MYT1L: variants seen among roughly 807,000 people sequenced by gnomAD.
MYT1L encodes myelin transcription factor 1-like protein.
Under a neutral mutation model 126.7 loss-of-function variants are expected in MYT1L, and 12 were observed. That is an observed-to-expected ratio of 0.09 (90% CI 0.06 to 0.15). MYT1L has a LOEUF of 0.15. Among genes scored for constraint, MYT1L ranks in the 10% least tolerant of loss-of-function variants. The pLI is 1.00. For missense variants in MYT1L, 979 were observed against 1,585.2 expected (o/e 0.62, Z 6.49); for synonymous variants, 541 against 604.2 (o/e 0.90, Z 1.53).
chr2:2,088,295 C>T (rs2076558264), intron 3 of MYT1L, among the ~76,000 whole-genome samples: 2 of 152,186 alleles, frequency 1.3e-5, no homozygotes, highest in South Asian at 4.1e-4. Flanking sequence ...GCACTGGCAC[C>T]AGTGGGAAAC....
At chr2:1,986,417 A>G (rs1006894351) in intron 5 of MYT1L, among the ~76,000 whole-genome samples, 24 of 152,142 alleles carry the variant, frequency 1.6e-4, no homozygotes, top group Non-Finnish European at 1.5e-4. Flanking sequence ...TTGCTCTGGG[A>G]AAATCCTGGG....
At chr2:2,123,525 G>C (rs564161745) in intron 3 of MYT1L, among the ~76,000 whole-genome samples, 1 of 152,064 alleles carries the variant, frequency 6.6e-6, no homozygotes, top group Non-Finnish European at 1.5e-5. Context: ...CTGAGTTCTC[G>C]CAAGACCTGG....
Position 1,963,279 on chromosome 2 carries a change from A to C in MYT1L, c.152+15886T>G, listed in dbSNP as rs1218523621. On this transcript the variant is annotated intron_variant, in intron 8 of 24. Transcript: ENST00000647738. ...GAAGTAGGTCTCAACAGTGGACTTA[A>C]CATATTTACTAAACCATGCTGTAAA... Among the ~76,000 whole-genome samples, 6 of 152,358 alleles carry C rather than the reference A, an allele frequency of 3.9e-5. No homozygotes were observed. The East Asian group carries it at 1.2e-3, about 29-fold the overall frequency.
chr2:1,878,989 T>A (rs770314906), intron 18 of MYT1L, among the ~76,000 whole-genome samples: 5 of 151,190 alleles, frequency 3.3e-5, no homozygotes, highest in African/African-American at 1.2e-4. Flanking sequence ...AAAAAAACAA[T>A]ACAAGAGAAG....
At chr2:2,186,740 CAG>C (rs1322196587) in intron 2 of MYT1L, among the ~76,000 whole-genome samples, 1 of 152,202 alleles carries the variant, frequency 6.6e-6, no homozygotes, top group Non-Finnish European at 1.5e-5. Flanking sequence ...CTATAATTAA[CAG>C]ATTGTTATAA....
chr2:1,897,786 T>C (rs2049803465), intron 14 of MYT1L, among the ~76,000 whole-genome samples: 1 of 152,148 alleles, frequency 6.6e-6, no homozygotes, highest in African/African-American at 2.4e-5. Context: ...GATCAAATTT[T>C]TTTTCAGTCC....
intron 13 of MYT1L, among the ~76,000 whole-genome samples, chr2:1,907,117 A>AT (rs200036420): frequency 2.7e-5 from 4 of 146,590 alleles, no homozygotes; most frequent in Non-Finnish European, 6.0e-5. Context: ...GTCTCTAAAA[A>AT]TTTTTTTTTT....
At chr2:2,177,676 T>C (rs2090969383) in intron 2 of MYT1L, among the ~76,000 whole-genome samples, 1 of 152,102 alleles carries the variant, frequency 6.6e-6, no homozygotes, top group Admixed American at 6.5e-5. Flanking sequence ...AAAGAGAGAA[T>C]TTGAGAGAAT....
At chr2:1,816,174 C>T (rs541797581) in intron 21 of MYT1L, 1 of 152,602 alleles carries the variant, frequency 6.6e-6, no homozygotes, top group African/African-American at 2.4e-5. Context: ...ATTTTGATGG[C>T]TTAAAGTCCC....
intron 21 of MYT1L, among the ~76,000 whole-genome samples, chr2:1,835,688 G>A (rs536714093): frequency 2.1e-4 from 32 of 152,270 alleles, no homozygotes; most frequent in Non-Finnish European, 1.8e-4. Context: ...CAGGGCTGCT[G>A]GTCACCGGGC....
intron 2 of MYT1L, among the ~76,000 whole-genome samples, chr2:2,277,731 G>T (rs1032934383): frequency 3.9e-5 from 6 of 152,002 alleles, no homozygotes; most frequent in Non-Finnish European, 8.8e-5. Flanking sequence ...ACTACAAATG[G>T]TCATATAACA....
chr2:2,038,312 G>T (rs954752663), intron 4 of MYT1L, among the ~76,000 whole-genome samples: 4 of 152,126 alleles, frequency 2.6e-5, no homozygotes, highest in Non-Finnish European at 4.4e-5. Flanking sequence ...TTTTAAGTGT[G>T]TCTTTGGTTG....
intron 8 of MYT1L, among the ~76,000 whole-genome samples, chr2:1,953,038 C>T (rs1271856391): frequency 6.8e-6 from 1 of 147,100 alleles, no homozygotes; most frequent in Non-Finnish European, 1.5e-5. Flanking sequence ...TTTCCTCTTT[C>T]CTTCCACCCA....
chr2:2,299,063 A>G (rs2095743920), intron 1 of MYT1L, among the ~76,000 whole-genome samples: 1 of 152,166 alleles, frequency 6.6e-6, no homozygotes, highest in Non-Finnish European at 1.5e-5. Flanking sequence ...CATGTTAGCC[A>G]GGATGGTCTC....
Position 2,201,441 on chromosome 2 carries a change from T to G in MYT1L, c.-420-28453A>C, listed in dbSNP as rs1479716181. Among the ~76,000 whole-genome samples, 3 of 152,206 alleles carry G rather than the reference T, an allele frequency of 2.0e-5. 1 individual carries two copies. The highest frequency in any genetic ancestry group is 7.2e-5 in the African/African-American group (3 of 41,454). ...TTGGCCGGGTGCGGTGGCTCATGCT[T>G]GTAATCTCATCACTTTGGGAGACCA... On this transcript the variant is annotated intron_variant, in intron 2 of 24. Transcript: ENST00000647738.
intron 2 of MYT1L, among the ~76,000 whole-genome samples, chr2:2,253,178 C>T (rs915304849): frequency 1.3e-5 from 2 of 152,070 alleles, no homozygotes; most frequent in African/African-American, 4.8e-5. Flanking sequence ...CATCATTGAT[C>T]ACCAGGACAC....
intron 2 of MYT1L, among the ~76,000 whole-genome samples, chr2:2,191,350 G>A (rs1464175981): frequency 6.6e-6 from 1 of 152,044 alleles, no homozygotes; most frequent in East Asian, 1.9e-4. Flanking sequence ...AATACCATCT[G>A]CTTTTCATCA....
At position 2,117,383 on chromosome 2, in the gene MYT1L, A is replaced by G. The variant is rs115904462; in HGVS notation, c.-304+55489T>C. Among the ~76,000 whole-genome samples the G allele has an allele frequency of 4.9e-3, 748 of 152,254 alleles. 5 individuals carry two copies. The highest frequency in any genetic ancestry group is 0.017 in the African/African-American group (723 of 41,548). ...GGACTCCGTCTGCATGTTGTCCTGG[A>G]CGTCTCCACCCTCAGGGATCCTGAG... On this transcript the variant is annotated intron_variant, in intron 3 of 24. Transcript: ENST00000647738.
intron 21 of MYT1L, among the ~76,000 whole-genome samples, chr2:1,813,103 C>T (rs1055076756): frequency 1.3e-5 from 2 of 152,256 alleles, no homozygotes; most frequent in East Asian, 1.9e-4. Flanking sequence ...TCTGGCCTTC[C>T]GCCGTCTGAA....
Sources: allele counts gnomAD v4.1 joint callset (sites outside exome capture counted in the v4.1 genomes callset), GRCh38; gene constraint gnomAD v4.1.1; transcripts MANE v1.5; gene names NCBI Gene and HGNC (gene_info 2026-07-23, HGNC 2026-07-21).